TAB1: variants seen among roughly 807,000 people sequenced by gnomAD.
The protein encoded by TAB1 is TGF-beta-activated kinase 1 and MAP3K7-binding protein 1.
A neutral mutation model predicts 54.5 loss-of-function variants in TAB1; 30 were observed. The ratio of observed to expected loss-of-function variants is 0.55; its 90% CI spans 0.41 to 0.75. The LOEUF (loss-of-function observed/expected upper bound fraction) is 0.75. TAB1 is among the 30% of genes least tolerant of loss of function. The pLI, the probability that TAB1 is intolerant of heterozygous loss-of-function variation, is 0.00. For missense variants in TAB1, 609 were observed against 683.2 expected (o/e 0.89, Z 1.21); for synonymous variants, 289 against 286.9 (o/e 1.01, Z -0.07).
Position 39,411,139 on chromosome 22 carries a change from C to T in TAB1, c.34-3867C>T, listed in dbSNP as rs940108520. 7.9e-5 allele frequency among the ~76,000 whole-genome samples: 12 copies of T among 152,048 alleles called. No individual in the cohort carries two copies. The East Asian group carries it at 2.1e-3, about 27-fold the overall frequency. ...AAAATGGACCTAAACCTCCTTCCTA[C>T]CTTACACAGAAATTAATTCAAAATG... is the stretch of plus-strand genomic sequence containing the variant. On this transcript the variant is annotated intron_variant, in intron 1 of 10. Coordinates refer to ENST00000216160, the MANE Select transcript of TAB1 (RefSeq NM_006116.3).
At chr22:39,401,495 T>C (rs1432787496) in intron 1 of TAB1, among the ~76,000 whole-genome samples, 2 of 152,178 alleles carry the variant, frequency 1.3e-5, no homozygotes, top group Non-Finnish European at 2.9e-5. Flanking sequence ...GATTGTGACA[T>C]TGGGAGGGAA....
In TAB1 at chr22:39,415,788, CT is replaced by C; in HGVS notation, c.324+136del. The C allele has an allele frequency of 5.0e-6, 6 of 1,204,816 alleles. No homozygotes were observed. Among genetic ancestry groups the C allele is most frequent in the Non-Finnish European group, 6.8e-6 (6 of 877,684 alleles). 74.6% of individuals were successfully genotyped at this position (1,204,816 alleles called of 1,614,324 possible). The stretch of plus-strand genomic sequence containing the variant: ...CCCCTTCACCCCAGTAGAGGAGCAG[CT>C]CCCAGCGTAGGCCCCCCCACCCAAC... On this transcript the variant is annotated intron_variant, in intron 3 of 10. Transcript: ENST00000216160. This position sits in a 1 kb window ranked among gnomAD's most constrained non-coding sequence, Gnocchi z 4.9.
chr22:39,421,746 T>C, intron 7 of TAB1, 81 bp from the exon 8 acceptor site: 1 of 1,455,332 alleles, frequency 6.9e-7, no homozygotes, highest in Admixed American at 1.9e-5. Context: ...ATTCTGGGCA[T>C]AGATTCCTCC....
At chr22:39,418,079 T>G (rs941576841) in intron 5 of TAB1, among the ~76,000 whole-genome samples, 20 of 152,226 alleles carry the variant, frequency 1.3e-4, no homozygotes, top group Non-Finnish European at 2.6e-4. Flanking sequence ...TTCTGCTTCT[T>G]AACTCATTCT....
intron 7 of TAB1, among the ~76,000 whole-genome samples, chr22:39,421,581 A>G (rs1927092938): frequency 6.6e-6 from 1 of 152,148 alleles, no homozygotes; most frequent in Non-Finnish European, 1.5e-5. Context: ...AGAATCGGGC[A>G]TTCAACCTTT....
Position 39,430,350 on chromosome 22 carries a change from C to T in TAB1, c.*128C>T. 1 of 1,509,562 alleles carries T rather than the reference C, an allele frequency of 6.6e-7. No individual in the cohort carries two copies. Among genetic ancestry groups the T allele is most frequent in the South Asian group, 1.3e-5 (1 of 78,820 alleles). 93.5% of individuals were successfully genotyped at this position (1,509,562 alleles called of 1,614,324 possible). A position where few individuals can be genotyped will look rare whatever the true frequency, so the allele number is the denominator to read the frequency against. The stretch of plus-strand genomic sequence containing the variant: ...ATCCTCTGCCCACAGCAGACTCTGT[C>T]CCATGGCTCTCCGGGCAGTAGAGTG... On this transcript the variant is annotated 3_prime_UTR_variant, in exon 11 of 11. Transcript: ENST00000216160.
chr22:39,399,961 CCTT>C (rs1926057738), intron 1 of TAB1, 126 bp downstream of exon 1: 1 of 1,058,752 alleles, frequency 9.4e-7, no homozygotes, highest in Admixed American at 2.2e-5. Flanking sequence ...GTGTCAGCCA[CCTT>C]CTCCTCTCCT....
chr22:39,426,786 G>C lies in TAB1; in HGVS notation c.1005G>C (p.Lys335Asn). Residue 335 changes from lysine to asparagine, a missense_variant, in exon 9 of 11, where the codon AAG becomes AAC. Coordinates refer to ENST00000216160, the MANE Select transcript of TAB1 (RefSeq NM_006116.3). The part of the protein sequence containing the change: ...AVAQAVVDRV[K>N]RIHSDTFASG... ...CCCAGGCCGTCGTGGACCGGGTGAA[G>C]CGCATCCACAGCGACACCTTCGCCA... The C allele has an allele frequency of 6.2e-7, 1 of 1,614,084 alleles. No individual in the cohort carries two copies. Among genetic ancestry groups the C allele is most frequent in the Non-Finnish European group, 8.5e-7 (1 of 1,180,040 alleles).
At chr22:39,403,641 T>C (rs34950154) in intron 1 of TAB1, among the ~76,000 whole-genome samples, 474 of 20,682 alleles carry the variant, frequency 0.023, 4 homozygotes, top group African/African-American at 0.039. Context: ...AAAATCCCTC[T>C]TTTTTTTTTT....
At chr22:39,409,785 C>T (rs1470839942) in intron 1 of TAB1, among the ~76,000 whole-genome samples, 2 of 152,118 alleles carry the variant, frequency 1.3e-5, no homozygotes, top group Non-Finnish European at 2.9e-5. Flanking sequence ...CTTCCTAGCA[C>T]GTAGCGCTGT....
chr22:39,431,998 G>T (rs1384826832), downstream of TAB1: 6 of 512,540 alleles, frequency 1.2e-5, no homozygotes, highest in Non-Finnish European at 1.5e-5. Context: ...AAGTGGCAGG[G>T]CTGGGATTTG....
Position 39,400,260 on chromosome 22 carries a change from A to G in TAB1, c.33+425A>G, listed in dbSNP as rs367931570. 4.6e-5 allele frequency among the ~76,000 whole-genome samples: 7 copies of G among 152,290 alleles called. No homozygotes were observed. The East Asian group carries it at 1.2e-3, about 25-fold the overall frequency. Reference sequence around the variant, plus strand: ...TTACATTTGTCAGTTTCATTTTCGTAGCAGCCCCCTGAGATAGGTGCTACT... The same window carrying G: ...TTACATTTGTCAGTTTCATTTTCGTGGCAGCCCCCTGAGATAGGTGCTACT... On this transcript the variant is annotated intron_variant, in intron 1 of 10. Coordinates refer to ENST00000216160, the MANE Select transcript of TAB1 (RefSeq NM_006116.3).
intron 1 of TAB1, among the ~76,000 whole-genome samples, chr22:39,405,842 G>A (rs940940252): frequency 2.0e-5 from 3 of 152,186 alleles, no homozygotes; most frequent in African/African-American, 4.8e-5. Flanking sequence ...GGAACACGGA[G>A]AAGACCAGAT....
At chr22:39,420,204 G>C (rs1927009482) in intron 7 of TAB1, among the ~76,000 whole-genome samples, 1 of 152,198 alleles carries the variant, frequency 6.6e-6, no homozygotes. Flanking sequence ...CAGAGCTCTG[G>C]ATGTACCTTC....
Position 39,430,864 on chromosome 22 carries a change from T to C in TAB1, c.*642T>C, listed in dbSNP as rs1392654348. 2.0e-6 allele frequency: 2 copies of C among 990,000 alleles called. No homozygotes were observed. The highest frequency in any genetic ancestry group is 2.4e-6 in the Non-Finnish European group (2 of 832,478). The allele number at this position is 990,000 out of a possible 1,614,324, so 61.3% of individuals were successfully genotyped here. On this transcript the variant is annotated 3_prime_UTR_variant, in exon 11 of 11. Transcript: ENST00000216160. ...CAGGTGGAAAGGAGCCAGGGGGAAG[T>C]GGTCTAAGAGACCTGGAACTGCCAG...
At chr22:39,419,730 T>C in intron 7 of TAB1, 100 bp downstream of exon 7, 1 of 737,010 alleles carries the variant, frequency 1.4e-6, no homozygotes, top group East Asian at 2.9e-5. Flanking sequence ...GAGGCTGCAG[T>C]GAGCCGTGAT....
chr22:39,418,477 TCA>T (rs1197764013), intron 5 of TAB1, among the ~76,000 whole-genome samples: 1 of 152,212 alleles, frequency 6.6e-6, no homozygotes, highest in Non-Finnish European at 1.5e-5. Flanking sequence ...TGTAAATATT[TCA>T]GTCTGTATCT....
At chr22:39,410,973 G>T (rs911758969) in intron 1 of TAB1, among the ~76,000 whole-genome samples, 1 of 152,160 alleles carries the variant, frequency 6.6e-6, no homozygotes, top group African/African-American at 2.4e-5. Flanking sequence ...CAGTAATCAA[G>T]AATGTAGTAT....
At chr22:39,405,972 A>G (rs1211392169) in intron 1 of TAB1, among the ~76,000 whole-genome samples, 1 of 152,204 alleles carries the variant, frequency 6.6e-6, no homozygotes, top group East Asian at 1.9e-4. Context: ...CTAAGACACC[A>G]ATGTTTTAAG....
Sources: allele counts gnomAD v4.1 joint callset (sites outside exome capture counted in the v4.1 genomes callset), GRCh38; gene constraint gnomAD v4.1.1; non-coding constraint Gnocchi (gnomAD v3.1); transcripts MANE v1.5; gene names NCBI Gene and HGNC (gene_info 2026-07-23, HGNC 2026-07-21).